ABHD2: variants seen among roughly 807,000 people sequenced by gnomAD.
ABHD2 encodes monoacylglycerol lipase ABHD2.
A neutral mutation model predicts 48.1 loss-of-function variants in ABHD2; 20 were observed. The observed-to-expected ratio is 0.42, with a 90% confidence interval of 0.29 to 0.60. ABHD2 has a LOEUF of 0.60. Ranked by LOEUF, ABHD2 falls within the 20% of genes least tolerant of loss-of-function variation. ABHD2 has a pLI of 0.24. For synonymous variants in ABHD2, 209 were observed against 214.2 expected, an observed-to-expected ratio of 0.98 and a Z score of 0.21; for missense variants, 405 against 550.9, an observed-to-expected ratio of 0.74 and a Z score of 2.65.
intron 4 of ABHD2, among the ~76,000 whole-genome samples, chr15:89,153,465 T>C (rs1277462545): frequency 6.6e-6 from 1 of 152,214 alleles, no homozygotes; most frequent in Non-Finnish European, 1.5e-5. Context: ...CTTTTTCTTC[T>C]TCTACCACTA....
chr15:89,108,724 A>G (rs1042124589), intron 1 of ABHD2, among the ~76,000 whole-genome samples: 1 of 152,262 alleles, frequency 6.6e-6, no homozygotes, highest in East Asian at 1.9e-4. Flanking sequence ...TTATTGGCAC[A>G]GCTGAAAGAA....
intron 3 of ABHD2, among the ~76,000 whole-genome samples, chr15:89,138,816 G>A (rs547400446): frequency 7.9e-5 from 12 of 151,970 alleles, no homozygotes; most frequent in Admixed American, 3.3e-4. Context: ...AGTAAGGAAC[G>A]CTTTGGACTG....
Position 89,175,694 on chromosome 15 carries a change from C to T in ABHD2, c.539-118C>T, listed in dbSNP as rs1156442783. ...CCCGACACACACACGTATATATACA[C>T]ATATATATTTCTCTCTCTTTTAGTA... On this transcript the variant is annotated intron_variant, in intron 5 of 10. Transcript: ENST00000352732. The surrounding 1 kb of genome is among the most constrained non-coding windows in gnomAD (Gnocchi z 5.7). 1.9e-6 allele frequency: 2 copies of T among 1,031,724 alleles called. No individual in the cohort carries two copies. The highest frequency in any genetic ancestry group is 3.0e-6 in the Non-Finnish European group (2 of 675,906). The allele number at this position is 1,031,724 out of a possible 1,614,324, so 63.9% of individuals were successfully genotyped here. A position where few individuals can be genotyped will look rare whatever the true frequency, so the allele number is the denominator to read the frequency against.
At chr15:89,109,173 G>T (rs1415995800) in intron 1 of ABHD2, among the ~76,000 whole-genome samples, 1 of 152,174 alleles carries the variant, frequency 6.6e-6, no homozygotes, top group African/African-American at 2.4e-5. Flanking sequence ...GGGGAGAGCA[G>T]AAAGAGGCAT....
At chr15:89,067,421 A>G in the ABHD2 span, among the ~76,000 whole-genome samples, 374 of 152,336 alleles carry the variant, frequency 2.5e-3, no homozygotes, top group African/African-American at 8.6e-3. Flanking sequence ...GCTAGAAGCA[A>G]GAAGCCAGCA....
chr15:89,048,267 C>T, the ABHD2 span, among the ~76,000 whole-genome samples: 18 of 152,200 alleles, frequency 1.2e-4, no homozygotes, highest in East Asian at 1.9e-4. Flanking sequence ...CCGAGAGATC[C>T]GCTGTTAGTC....
At chr15:89,090,354 G>C (rs1220585675) in intron 1 of ABHD2, 3 of 152,176 alleles carry the variant, frequency 2.0e-5, no homozygotes, top group Admixed American at 2.0e-4. Context: ...GAAGCATTTA[G>C]AACAGTACCT....
At chr15:89,069,273 A>G in the ABHD2 span, among the ~76,000 whole-genome samples, 1 of 151,900 alleles carries the variant, frequency 6.6e-6, no homozygotes. Context: ...AACTATAGGC[A>G]TGCACAACCA....
chr15:89,124,736 G>A (rs964659792), intron 3 of ABHD2, among the ~76,000 whole-genome samples: 6 of 151,946 alleles, frequency 3.9e-5, no homozygotes, highest in South Asian at 2.1e-4. Flanking sequence ...GGTGGATCAC[G>A]AGGTCAAGAG....
rs112900137 is a variant in ABHD2, at chr15:89,189,242, G to A, written c.926+939G>A. 1.4e-4 allele frequency among the ~76,000 whole-genome samples: 21 copies of A among 152,120 alleles called. No homozygotes were observed. Among genetic ancestry groups the A allele is most frequent in the Non-Finnish European group, 3.1e-4 (21 of 68,030 alleles). Reference sequence around the variant, plus strand: ...GCTCATGCCTGTAATTCCAGCACTTGGGGAGGCTGAGGCTGGAGGATCACA... The same window carrying A: ...GCTCATGCCTGTAATTCCAGCACTTAGGGAGGCTGAGGCTGGAGGATCACA... On this transcript the variant is annotated intron_variant, in intron 8 of 10. Coordinates refer to ENST00000352732, the MANE Select transcript of ABHD2 (RefSeq NM_152924.5). This position sits in a 1 kb window ranked among gnomAD's most constrained non-coding sequence, Gnocchi z 4.9.
At chr15:89,099,307 T>G (rs2049663511) in intron 1 of ABHD2, among the ~76,000 whole-genome samples, 1 of 152,188 alleles carries the variant, frequency 6.6e-6, no homozygotes, top group African/African-American at 2.4e-5. Flanking sequence ...TTTAAAGTTA[T>G]CATGATTTGG....
the ABHD2 span, among the ~76,000 whole-genome samples, chr15:89,042,488 G>C: frequency 1.3e-5 from 2 of 151,856 alleles, no homozygotes; most frequent in African/African-American, 2.4e-5. Flanking sequence ...CTTACACCGA[G>C]TGCCACCTCC....
At position 89,186,584 on chromosome 15, in the gene ABHD2, G is replaced by A. The variant is rs77493275; in HGVS notation, c.815+1068G>A. Among the ~76,000 whole-genome samples the A allele has an allele frequency of 0.014, 2,069 of 152,140 alleles. 50 individuals are homozygous for A. The highest frequency in any genetic ancestry group is 0.046 in the African/African-American group (1,929 of 41,492). ...TCCATCTCAATTCTCCTGCTTCTGT[G>A]AAGCCAACTCATCCATGCCCAAGTT... On this transcript the variant is annotated intron_variant, in intron 7 of 10. Transcript: ENST00000352732. The surrounding 1 kb of genome is among the most constrained non-coding windows in gnomAD (Gnocchi z 4.3).
In ABHD2 at chr15:89,201,501, A is replaced by G. The variant is rs1021209209; in HGVS notation, c.*6078A>G. 13 of 1,584,252 alleles carry G rather than the reference A, an allele frequency of 8.2e-6. No homozygotes were observed. The African/African-American group carries it at 1.3e-4, about 16-fold the overall frequency. The stretch of plus-strand genomic sequence containing the variant: ...CTTCCATATCTGAAGTGTTTAGTGG[A>G]GCAAAAATTGTACCATAAACTTGTG... On this transcript the variant is annotated 3_prime_UTR_variant, in exon 11 of 11. Transcript: ENST00000352732.
At chr15:89,103,783 T>G (rs775635589) in intron 1 of ABHD2, 3 of 152,240 alleles carry the variant, frequency 2.0e-5, no homozygotes, top group Non-Finnish European at 4.4e-5. Context: ...GCTCTTTAGC[T>G]CTCATAATCA....
chr15:89,180,956 G>A (rs1284200912), intron 6 of ABHD2, among the ~76,000 whole-genome samples: 10 of 152,044 alleles, frequency 6.6e-5, no homozygotes, highest in African/African-American at 2.2e-4. Flanking sequence ...GGCCGGGTGC[G>A]GTGGCTCACG....
intron 6 of ABHD2, among the ~76,000 whole-genome samples, chr15:89,178,087 C>T (rs1423814399): frequency 1.3e-5 from 2 of 152,204 alleles, no homozygotes; most frequent in Non-Finnish European, 2.9e-5. Context: ...GGGCTTCATA[C>T]ACATAACTAA....
At position 89,116,340 on chromosome 15, in the gene ABHD2, C is replaced by G. The variant is rs200083665; in HGVS notation, c.13C>G (p.Leu5Val). 1.2e-6 allele frequency: 2 copies of G among 1,613,762 alleles called. No individual in the cohort carries two copies. The highest frequency in any genetic ancestry group is 3.3e-5 in the Admixed American group (2 of 59,994). MNAMLETPELPAVFD... is the reference protein window; with the variant it reads MNAMVETPELPAVFD... ...TCCCCAGATCAAGATGAATGCCATG[C>G]TGGAGACTCCCGAACTCCCAGCCGT... Residue 5 changes from leucine to valine, a missense_variant, in exon 3 of 11, where the codon CTG becomes GTG. Coordinates refer to ENST00000352732, the MANE Select transcript of ABHD2 (RefSeq NM_152924.5). The surrounding 1 kb of genome is among the most constrained non-coding windows in gnomAD (Gnocchi z 4.6).
the ABHD2 span, among the ~76,000 whole-genome samples, chr15:89,072,043 T>G: frequency 5.3e-5 from 8 of 152,336 alleles, no homozygotes; most frequent in South Asian, 6.2e-4. Context: ...TCACCCAAGC[T>G]GTAAGAGTCA....
Sources: allele counts gnomAD v4.1 joint callset (sites outside exome capture counted in the v4.1 genomes callset), GRCh38; gene constraint gnomAD v4.1.1; non-coding constraint Gnocchi (gnomAD v3.1); transcripts MANE v1.5; gene names NCBI Gene and HGNC (gene_info 2026-07-23, HGNC 2026-07-21).